Variants in YWHAZ observed in about 807,000 individuals in gnomAD.
YWHAZ encodes the protein tyrosine 3-monooxygenase/tryptophan 5-monooxygenase activation protein zeta, also known as 14-3-3 protein zeta/delta.
For synonymous variants in YWHAZ, 87 were observed against 103.6 expected, an observed-to-expected ratio of 0.84 and a Z score of 0.97; for missense variants, 79 against 284.8, an observed-to-expected ratio of 0.28 and a Z score of 5.20.
intron 2 of YWHAZ, 100 bp from the exon 3 acceptor site, chr8:100,925,139 C>CTT: frequency 7.8e-7 from 1 of 1,284,636 alleles, no homozygotes; most frequent in East Asian, 2.5e-5. Context: ...AGTTATAAAA[C>CTT]TTAAACACCC....
chr8:100,933,404 T>C (rs538032947), intron 2 of YWHAZ, among the ~76,000 whole-genome samples: 18 of 151,818 alleles, frequency 1.2e-4, no homozygotes, highest in South Asian at 2.1e-4. Context: ...TGTGATGTAA[T>C]AGACACCTCC....
rs3077262 is a variant in YWHAZ at position 100,916,898 on chromosome 8, TAGAAA to T, written c.*3790_*3794del. The T allele has an allele frequency of 0.31, 46,577 of 151,822 alleles. 8,327 individuals carry two copies. The highest frequency in any genetic ancestry group is 0.51 in the East Asian group (2,612 of 5,136). The allele number at this position is 151,822 out of a possible 1,614,324, so 9.4% of individuals were successfully genotyped here. A position where few individuals can be genotyped will look rare whatever the true frequency, so the allele number is the denominator to read the frequency against. ...AAAAGTATTTAATTAGTTTCACACT[TAGAAA>T]AGAATCCAAGTCTATTTTCCAAGTG... On this transcript the variant is annotated 3_prime_UTR_variant, in exon 6 of 6. Coordinates refer to ENST00000395958, the MANE Select transcript of YWHAZ (RefSeq NM_145690.3).
rs1810472340 is a variant in YWHAZ, at chr8:100,948,510, A to G, written c.294+86T>C. 1 of 1,438,314 alleles carries G rather than the reference A, an allele frequency of 7.0e-7. No homozygotes were observed. The highest frequency in any genetic ancestry group is 1.4e-5 in the African/African-American group (1 of 70,364). 89.1% of individuals were successfully genotyped at this position (1,438,314 alleles called of 1,614,324 possible). A position where few individuals can be genotyped will look rare whatever the true frequency, so the allele number is the denominator to read the frequency against. On this transcript the variant is annotated intron_variant, in intron 2 of 5. Transcript: ENST00000395958. This position sits in a 1 kb window ranked among gnomAD's most constrained non-coding sequence, Gnocchi z 4.2. ...ACACACAATGTTTAGAAGGAAAAGAAAAACCAAACAAAAAGTTAAGAGTAA... is the reference window on the plus strand; with the variant it reads ...ACACACAATGTTTAGAAGGAAAAGAGAAACCAAACAAAAAGTTAAGAGTAA...
chr8:100,952,600 C>T (rs1049156716), upstream of YWHAZ: 4 of 209,854 alleles, frequency 1.9e-5, no homozygotes, highest in South Asian at 1.7e-4. Flanking sequence ...CCCCACCCTC[C>T]GTGCTTCGCG....
intron 2 of YWHAZ, among the ~76,000 whole-genome samples, chr8:100,931,323 T>C (rs1361727071): frequency 1.3e-5 from 2 of 152,216 alleles, no homozygotes; most frequent in Admixed American, 6.5e-5. Context: ...CCCACTAATA[T>C]GAATTTTATA....
chr8:100,931,678 A>T (rs548801179), intron 2 of YWHAZ, among the ~76,000 whole-genome samples: 5 of 152,170 alleles, frequency 3.3e-5, no homozygotes, highest in African/African-American at 9.7e-5. Context: ...ATGAACATAT[A>T]AACAGGAGGG....
Position 100,946,858 on chromosome 8 carries a change from T to C in YWHAZ, c.294+1738A>G, listed in dbSNP as rs1280154962. On this transcript the variant is annotated intron_variant, in intron 2 of 5. Transcript: ENST00000395958. ...AGACTGAACAAAACTGAATTACACATACACAGATATTAGTTAGTAAGGTGA... is the reference window on the plus strand; with the variant it reads ...AGACTGAACAAAACTGAATTACACACACACAGATATTAGTTAGTAAGGTGA... 1.4e-4 allele frequency among the ~76,000 whole-genome samples: 18 copies of C among 125,080 alleles called. No homozygotes were observed. In the East Asian group the frequency reaches 2.9e-3, roughly 20 times the overall value. 82.1% of individuals were successfully genotyped at this position (125,080 alleles called of 152,430 possible).
At chr8:100,953,208 G>C (rs1237084643), upstream of YWHAZ, 3 of 985,208 alleles carry the variant, frequency 3.0e-6, no homozygotes, top group Non-Finnish European at 3.6e-6. Context: ...CGTAGGCTAG[G>C]TTTTCCTACC....
rs1812803397 is a variant in YWHAZ, at chr8:100,918,415, T to TACATAC, written c.*2277_*2278insGTATGT. On this transcript the variant is annotated 3_prime_UTR_variant, in exon 6 of 6. Coordinates refer to ENST00000395958, the MANE Select transcript of YWHAZ (RefSeq NM_145690.3). ...CTATAAAATATAATTACTTTATATA[T>TACATAC]ATATATATATATATATATATATATA... 1 of 60,276 alleles carries TACATAC rather than the reference T, an allele frequency of 1.7e-5. No homozygotes were observed. The highest frequency in any genetic ancestry group is 7.1e-5 in the African/African-American group (1 of 13,992). The allele number at this position is 60,276 out of a possible 1,614,324, so 3.7% of individuals were successfully genotyped here. A position where few individuals can be genotyped will look rare whatever the true frequency, so the allele number is the denominator to read the frequency against.
At chr8:100,945,785 T>A (rs994928917) in intron 2 of YWHAZ, among the ~76,000 whole-genome samples, 1 of 152,100 alleles carries the variant, frequency 6.6e-6, no homozygotes, top group Non-Finnish European at 1.5e-5. Flanking sequence ...TCGGTAAATA[T>A]CAAATTTTCC....
chr8:100,949,042 G>C, intron 1 of YWHAZ, 142 bp from the exon 2 acceptor site: 1 of 1,046,454 alleles, frequency 9.6e-7, no homozygotes, highest in Non-Finnish European at 1.3e-6. Context: ...TTAAAATGCA[G>C]CCTCACAAAA....
chr8:100,920,801 G>GT (rs762285105), intron 5 of YWHAZ, 49 bp from the exon 6 acceptor site: 6 of 903,086 alleles, frequency 6.6e-6, no homozygotes, highest in Non-Finnish European at 8.3e-6. Context: ...GGGATGGGGG[G>GT]GGGGGGGCGT....
Position 100,948,935 on chromosome 8 carries a change from TC to T in YWHAZ, c.-11-36del. On this transcript the variant is annotated intron_variant, in intron 1 of 5. Coordinates refer to ENST00000395958, the MANE Select transcript of YWHAZ (RefSeq NM_145690.3). This position sits in a 1 kb window ranked among gnomAD's most constrained non-coding sequence, Gnocchi z 4.2. ...GGAAAAAAGGAGTATTTAAAATTTT[TC>T]CCATCAAAATAAACAGACTCAAAAT... The T allele has an allele frequency of 6.5e-7, 1 of 1,537,802 alleles. No individual in the cohort carries two copies. Among genetic ancestry groups the T allele is most frequent in the South Asian group, 1.2e-5 (1 of 81,482 alleles).
chr8:100,948,471 C>A lies in YWHAZ; in HGVS notation c.294+125G>T. The A allele has an allele frequency of 1.8e-6, 2 of 1,113,664 alleles. No homozygotes were observed. The highest frequency in any genetic ancestry group is 2.6e-6 in the Non-Finnish European group (2 of 783,632). The allele number at this position is 1,113,664 out of a possible 1,614,324, so 69.0% of individuals were successfully genotyped here. A position where few individuals can be genotyped will look rare whatever the true frequency, so the allele number is the denominator to read the frequency against. ...CTTTTTAGTCATGACACCATGAAGA[C>A]TTTTAAATTTGGAACACACAATGTT... is the stretch of plus-strand genomic sequence containing the variant. On this transcript the variant is annotated intron_variant, in intron 2 of 5. Transcript: ENST00000395958. This position sits in a 1 kb window ranked among gnomAD's most constrained non-coding sequence, Gnocchi z 4.2.
At chr8:100,938,280 G>A (rs898734357) in intron 2 of YWHAZ, among the ~76,000 whole-genome samples, 11 of 152,136 alleles carry the variant, frequency 7.2e-5, no homozygotes, top group Non-Finnish European at 7.3e-5. Flanking sequence ...ACTACATTAA[G>A]AGACTACAAA....
intron 2 of YWHAZ, among the ~76,000 whole-genome samples, chr8:100,931,725 A>G (rs1168365789): frequency 2.0e-5 from 3 of 152,130 alleles, no homozygotes; most frequent in Non-Finnish European, 4.4e-5. Context: ...TAGGCATTCT[A>G]CTCACTGGTT....
At chr8:100,949,505 CTGTT>C (rs1586163864) in intron 1 of YWHAZ, among the ~76,000 whole-genome samples, 1 of 151,958 alleles carries the variant, frequency 6.6e-6, no homozygotes, top group African/African-American at 2.4e-5. Context: ...GAATGACCAA[CTGTT>C]TGTTTTCAGA....
At chr8:100,940,192 C>A (rs1814538879) in intron 2 of YWHAZ, among the ~76,000 whole-genome samples, 1 of 152,170 alleles carries the variant, frequency 6.6e-6, no homozygotes, top group Non-Finnish European at 1.5e-5. Context: ...CTTCTCCCCT[C>A]CCCCAGGATC....
chr8:100,950,521 G>A, intron 1 of YWHAZ: 1 of 985,102 alleles, frequency 1.0e-6, no homozygotes, highest in Non-Finnish European at 1.2e-6. Flanking sequence ...CCAAGTCGGA[G>A]CCACGGCTCA....
Sources: gnomAD v4.1 joint callset for allele counts (sites outside exome capture counted in the v4.1 genomes callset) on GRCh38, gnomAD v4.1.1 for gene constraint, Gnocchi (gnomAD v3.1) non-coding constraint, MANE v1.5 for transcripts, NCBI Gene and HGNC (gene_info 2026-07-23, HGNC 2026-07-21) for gene names.